Variants in PKD1 observed in about 807,000 individuals in gnomAD.
PKD1 encodes the protein polycystin-1.
In PKD1, 81 loss-of-function variants were observed where a neutral mutation model predicts 361.7. The ratio of observed to expected loss-of-function variants is 0.22; its 90% CI spans 0.19 to 0.27. The LOEUF is 0.27. Ranked by LOEUF, PKD1 falls within the 10% of genes least tolerant of loss-of-function variation. The pLI, the probability that PKD1 is intolerant of heterozygous loss-of-function variation, is 1.00. For synonymous variants in PKD1, 3,615 were observed against 2,818.3 expected (o/e 1.28, Z -8.95); for missense variants, 6,399 against 6,118.3 (o/e 1.05, Z -1.53).
rs369171457 is a variant in PKD1 at position 2,090,267 on chromosome 16, C to G, written c.12444+18G>C. ...AGCCCAGGGCGTGTCCCTCTCCCCC[C>G]CACTGGGCCGTACCCACCTCCTTGA... On this transcript the variant is annotated intron_variant, in intron 45 of 45. Coordinates refer to ENST00000262304, the MANE Select transcript of PKD1 (RefSeq NM_001009944.3). 2.3e-5 allele frequency: 37 copies of G among 1,608,618 alleles called. No individual in the cohort carries two copies. In the East Asian group the frequency reaches 2.5e-4, roughly 11 times the overall value.
rs1337808849 is a variant in PKD1 at position 2,090,587 on chromosome 16, C to G, written c.12142G>C (p.Val4048Leu). The G allele has an allele frequency of 1.2e-6, 2 of 1,608,510 alleles. No homozygotes were observed. The highest frequency in any genetic ancestry group is 8.5e-7 in the Non-Finnish European group (1 of 1,179,742). The change falls in exon 45 of 46, where the codon GTG becomes CTG. Residue 4048 changes from valine to leucine, a missense_variant. By Grantham distance (32) the Val-to-Leu change is conservative (BLOSUM62 1). Transcript: ENST00000262304. Reference sequence around the variant, plus strand: ...CAGAGGGAGTCCACACAGGAAGACACGAGCTGCGGGGAAGGCGACACCAGT... The same window carrying G: ...CAGAGGGAGTCCACACAGGAAGACAGGAGCTGCGGGGAAGGCGACACCAGT... ...VAYAQLAILL[V>L]SSCVDSLWSV...
Position 2,104,574 on chromosome 16 carries a change from C to T in PKD1, c.8085G>A (p.Met2695Ile), listed in dbSNP as rs2092261683. ...CGGTGGTCTCTGCCTGCAGGATGAG[C>T]ATCATGGCCTCCAGCTTGTGCAGCG... ...KQTLHKLEAM[M>I]LILQAETTAG... Residue 2695 changes from methionine (M) to isoleucine (I), a missense_variant, in exon 22 of 46, where the codon ATG becomes ATA. Transcript: ENST00000262304. 1.2e-6 allele frequency: 2 copies of T among 1,601,724 alleles called. No individual in the cohort carries two copies. Among genetic ancestry groups the T allele is most frequent in the African/African-American group, 2.7e-5 (2 of 73,836 alleles).
In PKD1 at chr16:2,110,737, A is replaced by T; in HGVS notation, c.4430T>A (p.Leu1477His). Residue 1477 changes from leucine (L) to histidine (H), a missense_variant, in exon 15 of 46, where the codon CTT (leucine) becomes CAT (histidine). Physicochemically the swap from Leu to His is moderately conservative, Grantham distance 99 (BLOSUM62 -3). Transcript: ENST00000262304. ...LVTSIKVNGS[L>H]GLELQQPYLF... is the part of the protein sequence containing the mutation. The stretch of plus-strand genomic sequence containing the variant: ...GTACGGCTGCTGCAGCTCCAGCCCA[A>T]GGGAGCCATTGACCTTGATGCTGGT... 6.2e-7 allele frequency: 1 copy of T among 1,610,500 alleles called. No homozygotes were observed. Among genetic ancestry groups the T allele is most frequent in the South Asian group, 1.1e-5 (1 of 90,974 alleles).
intron 7 of PKD1, 76 bp from the exon 8 acceptor site, chr16:2,116,720 G>C: frequency 8.4e-7 from 1 of 1,190,976 alleles, no homozygotes; most frequent in Non-Finnish European, 1.2e-6. Flanking sequence ...GGACCGAGCC[G>C]CCCGAAAACC....
At position 2,115,552 on chromosome 16, in the gene PKD1, C is replaced by T. The variant is rs936802709; in HGVS notation, c.1923G>A (p.Met641Ile). The T allele has an allele frequency of 1.9e-6, 3 of 1,586,494 alleles. No individual in the cohort carries two copies. The highest frequency in any genetic ancestry group is 1.3e-5 in the African/African-American group (1 of 74,112). The change falls in exon 10 of 46, where the codon ATG (methionine) becomes ATA (isoleucine). Residue 641 changes from methionine (M) to isoleucine (I), a missense_variant. Coordinates refer to ENST00000262304, the MANE Select transcript of PKD1 (RefSeq NM_001009944.3). ...CTCCAGGGCACCAGCGTCCCCCTGG[C>T]ATGCACGCGGGGGCCAGCTGGGTCC... ...DNRTQLAPAC[M>I]PGGRWCPGAN... is the part of the protein sequence containing the mutation.
chr16:2,090,852 C>A, intron 43 of PKD1, 32 bp downstream of exon 43: 1 of 1,609,128 alleles, frequency 6.2e-7, no homozygotes, highest in Non-Finnish European at 8.5e-7. Context: ...GGGGTGTGCG[C>A]CCAGCCCCGC....
In PKD1 at chr16:2,089,159, A is replaced by T. The variant is rs532185158; in HGVS notation, c.*568T>A. 2.2e-4 allele frequency: 37 copies of T among 169,908 alleles called. No individual in the cohort carries two copies. The highest frequency in any genetic ancestry group is 8.1e-4 in the African/African-American group (34 of 41,870). 10.5% of individuals were successfully genotyped at this position (169,908 alleles called of 1,614,324 possible). A position where few individuals can be genotyped will look rare whatever the true frequency, so the allele number is the denominator to read the frequency against. On this transcript the variant is annotated 3_prime_UTR_variant, in exon 46 of 46. Coordinates refer to ENST00000262304, the MANE Select transcript of PKD1 (RefSeq NM_001009944.3). ...TCCAAGCAGCAGCCGGGCTGCCATAACGCCACCACACCTACCAAGCGCAGC... is the reference window on the plus strand; with the variant it reads ...TCCAAGCAGCAGCCGGGCTGCCATATCGCCACCACACCTACCAAGCGCAGC...
rs762777473 is a variant in PKD1 at position 2,091,789 on chromosome 16, C to T, written c.11529G>A (p.Leu3843=). The change falls in exon 41 of 46, where the codon CTG becomes CTA. Residue 3843 remains leucine (L), a synonymous_variant. Coordinates refer to ENST00000262304, the MANE Select transcript of PKD1 (RefSeq NM_001009944.3). ...GGGGAGGGAGCTCCCACCTGTTGTCCAGCCAGTTGTGCAGCTGCAGGAAGC... is the reference window on the plus strand; with the variant it reads ...GGGGAGGGAGCTCCCACCTGTTGTCTAGCCAGTTGTGCAGCTGCAGGAAGC... ...RLRFLQLHNW[L]DNRSRAVFLE... is the part of the protein sequence containing the mutation. 5.0e-6 allele frequency: 8 copies of T among 1,610,824 alleles called. No homozygotes were observed. The East Asian group carries it at 1.6e-4, about 31-fold the overall frequency.
chr16:2,092,359 C>A (rs756424837), intron 39 of PKD1, 121 bp downstream of exon 39: 3 of 965,594 alleles, frequency 3.1e-6, no homozygotes, highest in Admixed American at 2.1e-5. Context: ...AAGGAAACGG[C>A]GGTGTTAAGA....
At chr16:2,091,985 C>T in intron 40 of PKD1, 62 bp downstream of exon 40, 1 of 1,612,274 alleles carries the variant, frequency 6.2e-7, no homozygotes, top group Non-Finnish European at 8.5e-7. Context: ...GAGGCCGCGG[C>T]ACTCCTGGAG....
In PKD1 at chr16:2,113,150, C is replaced by T. The variant is rs1468181752; in HGVS notation, c.2985+11G>A. 6 of 771,106 alleles carry T rather than the reference C, an allele frequency of 7.8e-6. No individual in the cohort carries two copies. The highest frequency in any genetic ancestry group is 1.9e-5 in the Admixed American group (1 of 53,358). The allele number at this position is 771,106 out of a possible 1,614,324, so 47.8% of individuals were successfully genotyped here. ...CCCCATCCCCTCCCCTCCCCACCCC[C>T]GCCCACCTACTGAGAGCTTGAAGAC... is the stretch of plus-strand genomic sequence containing the variant. On this transcript the variant is annotated intron_variant, in intron 12 of 45. Transcript: ENST00000262304.
chr16:2,114,581 G>C lies in PKD1; in HGVS notation c.2442C>G (p.Ser814Arg). The C allele has an allele frequency of 6.3e-7, 1 of 1,594,042 alleles. No homozygotes were observed. The highest frequency in any genetic ancestry group is 8.5e-7 in the Non-Finnish European group (1 of 1,178,686). ...CAGCCACTGGGGAGACCACGTCAAA[G>C]CTGCAGGAGAGGTTGTGCCTGGACA... is the stretch of plus-strand genomic sequence containing the variant. ...NGVSRHNLSC[S>R]FDVVSPVAGL... Residue 814 changes from serine (S) to arginine (R), a missense_variant, in exon 11 of 46, where the codon AGC becomes AGG. Coordinates refer to ENST00000262304, the MANE Select transcript of PKD1 (RefSeq NM_001009944.3).
chr16:2,096,682 A>C (rs990927119), intron 34 of PKD1: 1 of 165,226 alleles, frequency 6.1e-6, no homozygotes, highest in Admixed American at 5.9e-5. Context: ...TGCCCGGCTA[A>C]TTTTTTGTAT....
rs1220976633 is a variant in PKD1 at position 2,118,451 on chromosome 16, C to T, written c.541G>A (p.Val181Ile). The T allele has an allele frequency of 3.3e-6, 4 of 1,199,396 alleles. No homozygotes were observed. The highest frequency in any genetic ancestry group is 1.5e-5 in the African/African-American group (1 of 66,494). 74.3% of individuals were successfully genotyped at this position (1,199,396 alleles called of 1,614,324 possible). ...LLDSGCGEEY[V>I]ACLPDNSSGT... ...GAGCTGTTGTCAGGGAGGCAGGCGA[C>T]ATACTCCTCACCTAGAAGAGGCAGC... The change falls in exon 5 of 46, where the codon GTC becomes ATC. Residue 181 changes from valine to isoleucine, a missense_variant. Val to Ile is a conservative substitution (Grantham distance 29). Coordinates refer to ENST00000262304, the MANE Select transcript of PKD1 (RefSeq NM_001009944.3). This position sits in a 1 kb window ranked among gnomAD's most constrained non-coding sequence, Gnocchi z 6.0.
In PKD1 at chr16:2,090,552, G is replaced by T. The variant is rs771341748; in HGVS notation, c.12177C>A (p.Ala4059=). Residue 4059 remains alanine (A), a synonymous_variant, in exon 45 of 46, where the codon GCC becomes GCA. Coordinates refer to ENST00000262304, the MANE Select transcript of PKD1 (RefSeq NM_001009944.3). The stretch of plus-strand genomic sequence containing the variant: ...CAGGGCACAGCACCAACAGGGCCTG[G>T]GCCACGCTCCAGAGGGAGTCCACAC... ...SSCVDSLWSV[A]QALLVLCPGT... The T allele has an allele frequency of 6.2e-7, 1 of 1,609,824 alleles. No homozygotes were observed. Among genetic ancestry groups the T allele is most frequent in the South Asian group, 1.1e-5 (1 of 90,990 alleles).
Position 2,111,701 on chromosome 16 carries a change from C to T in PKD1, c.3466G>A (p.Gly1156Ser), listed in dbSNP as rs1178435573. The T allele has an allele frequency of 6.3e-7, 1 of 1,583,942 alleles. No individual in the cohort carries two copies. The highest frequency in any genetic ancestry group is 8.6e-7 in the Non-Finnish European group (1 of 1,166,572). ...FYPHPLPSPGGVLYTWDFGDG... is the reference protein window; with the variant it reads ...FYPHPLPSPGSVLYTWDFGDG... The stretch of plus-strand genomic sequence containing the variant: ...CCGAAGTCCCACGTGTAAAGAACAC[C>T]CCCAGGCGAGGGCAGCGGGTGCGGG... Residue 1156 changes from glycine to serine, a missense_variant, in exon 15 of 46, where the codon GGT becomes AGT. Physicochemically the swap from Gly to Ser is moderately conservative, Grantham distance 56. Transcript: ENST00000262304.
In PKD1 at chr16:2,088,862, C is replaced by T. The variant is rs1394279685; in HGVS notation, c.*865G>A. The T allele has an allele frequency of 5.4e-6, 3 of 552,106 alleles. No homozygotes were observed. Among genetic ancestry groups the T allele is most frequent in the Admixed American group, 3.2e-5 (1 of 31,002 alleles). The allele number at this position is 552,106 out of a possible 1,614,324, so 34.2% of individuals were successfully genotyped here. A position where few individuals can be genotyped will look rare whatever the true frequency, so the allele number is the denominator to read the frequency against. ...TTGAGGCTGCCTGGGCCATACAGCA[C>T]ACTCGCGCGTGCGCGCGCGCACACA... On this transcript the variant is annotated 3_prime_UTR_variant, in exon 46 of 46. Coordinates refer to ENST00000262304, the MANE Select transcript of PKD1 (RefSeq NM_001009944.3).
rs200522524 is a variant in PKD1 at position 2,102,467 on chromosome 16, G to A, written c.9115C>T (p.Arg3039Cys). 90 of 1,556,710 alleles carry A rather than the reference G, an allele frequency of 5.8e-5. No individual in the cohort carries two copies. The highest frequency in any genetic ancestry group is 1.2e-4 in the African/African-American group (9 of 73,316). ...TGGCGGGTGAGGCAGACGGCCTGGCGGGGCGAGGTCTCCTCCAGGGGCAGC... is the reference window on the plus strand; with the variant it reads ...TGGCGGGTGAGGCAGACGGCCTGGCAGGGCGAGGTCTCCTCCAGGGGCAGC... ...GLLPLEETSPRQAVCLTRHLT... is the reference protein window; with the variant it reads ...GLLPLEETSPCQAVCLTRHLT... The change falls in exon 25 of 46, where the codon CGC becomes TGC. Residue 3039 changes from arginine (R) to cysteine (C), a missense_variant. Coordinates refer to ENST00000262304, the MANE Select transcript of PKD1 (RefSeq NM_001009944.3).
At chr16:2,097,631 G>A (rs1411151704) in intron 32 of PKD1, 97 bp downstream of exon 32, 6 of 1,610,518 alleles carry the variant, frequency 3.7e-6, no homozygotes, top group Admixed American at 1.7e-5. Flanking sequence ...ACCACATGGA[G>A]CCACAGACAC....
Sources: allele counts gnomAD v4.1 joint callset, GRCh38; gene constraint gnomAD v4.1.1; non-coding constraint Gnocchi (gnomAD v3.1); transcripts MANE v1.5; gene names NCBI Gene and HGNC (gene_info 2026-07-23, HGNC 2026-07-21).